The following TCEA3 variants were observed in gnomAD, a reference collection of about 807,000 sequenced individuals.
The protein encoded by TCEA3 is transcription elongation factor A3.
A neutral mutation model predicts 44.0 loss-of-function variants in TCEA3; 36 were observed. That is an observed-to-expected ratio of 0.82 (90% CI 0.63 to 1.08). The LOEUF is 1.08. Among genes scored for constraint, TCEA3 ranks in the 50% least tolerant of loss-of-function variants. TCEA3 has a pLI of 0.00. For missense variants in TCEA3, 392 were observed against 441.2 expected (o/e 0.89, Z 1.00); for synonymous variants, 162 against 159.7 (o/e 1.01, Z -0.11).
At chr1:23,411,324 T>A (rs1639699925) in intron 4 of TCEA3, 1 of 152,414 alleles carries the variant, frequency 6.6e-6, no homozygotes, top group Non-Finnish European at 1.5e-5. Context: ...TCCCGGCTAA[T>A]TTTTTGTATT....
chr1:23,399,176 A>C (rs1015515883), intron 5 of TCEA3, among the ~76,000 whole-genome samples: 13 of 141,944 alleles, frequency 9.2e-5, no homozygotes, highest in South Asian at 2.2e-4. Context: ...ATATATATAT[A>C]TATCCATATG....
chr1:23,399,403 G>C (rs1169365911), intron 5 of TCEA3, among the ~76,000 whole-genome samples: 3 of 151,608 alleles, frequency 2.0e-5, no homozygotes, highest in Non-Finnish European at 4.4e-5. Flanking sequence ...TTCTCATAGG[G>C]ACACTAATCC....
chr1:23,394,948 G>T (rs1010741402), intron 7 of TCEA3, among the ~76,000 whole-genome samples: 2 of 152,196 alleles, frequency 1.3e-5, no homozygotes, highest in African/African-American at 4.8e-5. Context: ...CCCTCTGGAG[G>T]AGCTCGGGGA....
intron 8 of TCEA3, 39 bp from the exon 9 acceptor site, chr1:23,387,458 T>G (rs770766132): frequency 6.4e-7 from 1 of 1,555,018 alleles, no homozygotes; most frequent in Non-Finnish European, 8.7e-7. Context: ...GCTGAGGAGT[T>G]TCAGGGGCCC....
chr1:23,408,255 C>T (rs950282305), intron 5 of TCEA3, among the ~76,000 whole-genome samples: 2 of 152,192 alleles, frequency 1.3e-5, no homozygotes, highest in Non-Finnish European at 2.9e-5. Context: ...AGCCACTGTG[C>T]CCAGCCTAGG....
rs542203837 is a variant in TCEA3 at position 23,384,256 on chromosome 1, A to G, written c.1038+90T>C. On this transcript the variant is annotated intron_variant, in intron 10 of 10. Transcript: ENST00000450454. Reference sequence around the variant, plus strand: ...CAGGCTGGCAAGTGCTGCCATGCACAAGGCCCCTTCTGGGTTGTGGGTACA... The same window carrying G: ...CAGGCTGGCAAGTGCTGCCATGCACGAGGCCCCTTCTGGGTTGTGGGTACA... 38 of 1,607,118 alleles carry G rather than the reference A, an allele frequency of 2.4e-5. No individual in the cohort carries two copies. In the African/African-American group the frequency reaches 4.1e-4, roughly 17 times the overall value.
chr1:23,399,249 GA>G (rs924284080), intron 5 of TCEA3, among the ~76,000 whole-genome samples: 3 of 149,032 alleles, frequency 2.0e-5, no homozygotes, highest in Non-Finnish European at 4.5e-5. Context: ...ATCAGACTGG[GA>G]GGCTTCACTA....
chr1:23,418,017 G>A lies in TCEA3; in HGVS notation c.133-8C>T, dbSNP rs1331174678. ...AACTCCAATCCTGGTTGTCTGCAAA[G>A]TGAGAGGGTTAAGGCATAATCTGGG... On this transcript the variant is annotated splice_region_variant and splice_polypyrimidine_tract_variant and intron_variant, in intron 2 of 10. Coordinates refer to ENST00000450454, the MANE Select transcript of TCEA3 (RefSeq NM_003196.3). The A allele has an allele frequency of 6.2e-7, 1 of 1,613,776 alleles. No homozygotes were observed. The highest frequency in any genetic ancestry group is 1.3e-5 in the African/African-American group (1 of 75,066).
chr1:23,393,813 C>G, intron 8 of TCEA3, 66 bp downstream of exon 8: 1 of 1,562,764 alleles, frequency 6.4e-7, no homozygotes, highest in African/African-American at 1.3e-5. Context: ...GCCACTGACC[C>G]TCTGCACTAG....
intron 10 of TCEA3, among the ~76,000 whole-genome samples, chr1:23,382,321 C>G (rs1038368092): frequency 1.3e-5 from 2 of 152,140 alleles, no homozygotes; most frequent in East Asian, 1.9e-4. Context: ...ATTACAGGCA[C>G]GAGCCACTGC....
intron 2 of TCEA3, 22 bp from the exon 3 acceptor site, chr1:23,418,031 G>A (rs1371296353): frequency 6.2e-7 from 1 of 1,610,388 alleles, no homozygotes; most frequent in Non-Finnish European, 8.5e-7. Flanking sequence ...GAGGGTTAAG[G>A]CATAATCTGG....
intron 5 of TCEA3, chr1:23,403,408 G>A (rs1042564401): frequency 1.3e-5 from 2 of 152,170 alleles, no homozygotes; most frequent in Admixed American, 1.3e-4. Context: ...CCCATCTTAT[G>A]GGGCAGATGA....
intron 1 of TCEA3, 73 bp from the exon 2 acceptor site, chr1:23,419,212 G>C (rs913106084): frequency 5.0e-6 from 6 of 1,207,852 alleles, no homozygotes; most frequent in African/African-American, 4.6e-5. Flanking sequence ...TGTGGTCTTG[G>C]TACAGAGAGC....
At chr1:23,393,380 C>T (rs1639119088) in intron 8 of TCEA3, among the ~76,000 whole-genome samples, 1 of 151,904 alleles carries the variant, frequency 6.6e-6, no homozygotes, top group African/African-American at 2.4e-5. Context: ...CACACACATA[C>T]ATACCACACA....
In TCEA3 at chr1:23,394,034, G is replaced by A. The variant is rs1406984886; in HGVS notation, c.665-1C>T. 6 of 1,613,984 alleles carry A rather than the reference G, an allele frequency of 3.7e-6. No individual in the cohort carries two copies. The highest frequency in any genetic ancestry group is 2.2e-5 in the East Asian group (1 of 44,888). On this transcript the variant is annotated splice_acceptor_variant, in intron 7 of 10. Transcript: ENST00000450454. LOFTEE classifies it high-confidence loss of function. ...GTGCTCTTGAGCTCTTGGTAGATAT[G>A]TGACACAGTCAAGGGCCGGCCAGCC...
chr1:23,417,535 A>C, intron 3 of TCEA3, 145 bp from the exon 4 acceptor site: 11 of 1,325,002 alleles, frequency 8.3e-6, no homozygotes, highest in Non-Finnish European at 1.0e-5. Context: ...TTTACACACA[A>C]ATGCACAAAC....
rs190519541 is a variant in TCEA3, at chr1:23,414,307, G to T, written c.380+2942C>A. On this transcript the variant is annotated intron_variant, in intron 4 of 10. Transcript: ENST00000450454. ...GGGTTTCACCATGTTGGCCAGGCTG[G>T]TCTCGAACTCCTGACCTCATGATCT... Among the ~76,000 whole-genome samples the T allele has an allele frequency of 2.5e-4, 38 of 152,160 alleles. 1 individual carries two copies. Among genetic ancestry groups the T allele is most frequent in the African/African-American group, 9.2e-4 (38 of 41,516 alleles).
chr1:23,400,105 A>G (rs1379990783), intron 5 of TCEA3, among the ~76,000 whole-genome samples: 1 of 152,222 alleles, frequency 6.6e-6, no homozygotes, highest in Non-Finnish European at 1.5e-5. Context: ...GGAGTTGGAG[A>G]GAAAGGATCT....
chr1:23,411,268 T>C (rs1639698242), intron 4 of TCEA3: 1 of 152,292 alleles, frequency 6.6e-6, no homozygotes, highest in Non-Finnish European at 1.5e-5. Flanking sequence ...GAGATTCCCA[T>C]GCCTCAGCCT....
Sources: gnomAD v4.1 joint callset for allele counts (sites outside exome capture counted in the v4.1 genomes callset) on GRCh38, gnomAD v4.1.1 for gene constraint, MANE v1.5 for transcripts, NCBI Gene and HGNC (gene_info 2026-07-23, HGNC 2026-07-21) for gene names.